The following THBS2 variants were observed in gnomAD, a reference collection of about 807,000 sequenced individuals.
The protein encoded by THBS2 is thrombospondin-2.
Under a neutral mutation model 135.2 loss-of-function variants are expected in THBS2, and 47 were observed. The ratio of observed to expected loss-of-function variants is 0.35; its 90% CI spans 0.28 to 0.44. THBS2 has a LOEUF of 0.44. THBS2 is among the 20% of genes least tolerant of loss of function. The probability of loss-of-function intolerance (pLI) is 1.00; values close to 1 mark genes in which losing one functional copy is unlikely to be tolerated. For synonymous variants in THBS2, 639 were observed against 633.8 expected (o/e 1.01, Z -0.12); for missense variants, 1,288 against 1,603.1 (o/e 0.80, Z 3.36).
chr6:169,248,962 C>T lies in THBS2; in HGVS notation c.64G>A (p.Asp22Asn), dbSNP rs779348276. ...VWPSTQAGHQ[D>N]KDTTFDLFSI... ...AAAAGGTCGAAGGTCGTGTCTTTGT[C>T]CTGGTGACCAGCTGCAAAGGGAACC... Residue 22 changes from aspartate (D) to asparagine (N), a missense_variant, in exon 3 of 22, where the codon GAC becomes AAC. Asp to Asn is a conservative substitution (Grantham distance 23, BLOSUM62 1). Coordinates refer to ENST00000617924, the MANE Select transcript of THBS2 (RefSeq NM_003247.5). The T allele has an allele frequency of 5.0e-6, 8 of 1,602,096 alleles. No individual in the cohort carries two copies. The highest frequency in any genetic ancestry group is 2.2e-5 in the East Asian group (1 of 44,608).
rs1274084093 is a variant in THBS2 at position 169,236,757 on chromosome 6, A to ATCCACACTCACTCCCCG, written c.1477+396_1477+412dup. On this transcript the variant is annotated intron_variant, in intron 9 of 21. Coordinates refer to ENST00000617924, the MANE Select transcript of THBS2 (RefSeq NM_003247.5). ...CTCATTCCCCATCCACACTCACTCC[A>ATCCACACTCACTCCCCG]TCCACACTCACTCCCCGTCCACACT... Among the ~76,000 whole-genome samples the ATCCACACTCACTCCCCG allele has an allele frequency of 6.7e-5, 8 of 119,852 alleles. No homozygotes were observed. In the Admixed American group the frequency reaches 6.9e-4, roughly 10 times the overall value. The allele number at this position is 119,852 out of a possible 152,430, so 78.6% of individuals were successfully genotyped here. A position where few individuals can be genotyped will look rare whatever the true frequency, so the allele number is the denominator to read the frequency against.
At chr6:169,235,028 G>T (rs1779985035) in intron 9 of THBS2, 121 bp from the exon 10 acceptor site, 1 of 1,019,490 alleles carries the variant, frequency 9.8e-7, no homozygotes, top group African/African-American at 1.6e-5. Context: ...CCACAAACTG[G>T]TTTCTCCCCA....
intron 3 of THBS2, among the ~76,000 whole-genome samples, chr6:169,246,584 G>A (rs1583421069): frequency 6.6e-6 from 1 of 152,208 alleles, no homozygotes; most frequent in Non-Finnish European, 1.5e-5. Flanking sequence ...TGTGTGTTCT[G>A]GGCATGTTCC....
At position 169,241,143 on chromosome 6, in the gene THBS2, ACAGT is replaced by A. The variant is rs148852705; in HGVS notation, c.892-555_892-552del. Among the ~76,000 whole-genome samples the A allele has an allele frequency of 0.052, 7,890 of 151,962 alleles. 226 individuals carry two copies. The highest frequency in any genetic ancestry group is 0.078 in the Middle Eastern group (23 of 294). ...ACTTCATGCCCTCTGGGTACGAGTGACAGTCAGCATCACTGCACCCTGGTTAGCC... is the reference window on the plus strand; with the variant it reads ...ACTTCATGCCCTCTGGGTACGAGTGACAGCATCACTGCACCCTGGTTAGCC... On this transcript the variant is annotated intron_variant, in intron 5 of 21. Coordinates refer to ENST00000617924, the MANE Select transcript of THBS2 (RefSeq NM_003247.5). This position sits in a 1 kb window ranked among gnomAD's most constrained non-coding sequence, Gnocchi z 5.5.
At chr6:169,218,316 T>C (rs1333845494) in intron 21 of THBS2, among the ~76,000 whole-genome samples, 1 of 145,226 alleles carries the variant, frequency 6.9e-6, no homozygotes, top group East Asian at 2.1e-4. Flanking sequence ...GATGGATGGA[T>C]GAGTGGGTTG....
intron 15 of THBS2, among the ~76,000 whole-genome samples, chr6:169,226,577 C>T (rs879636424): frequency 6.6e-6 from 1 of 152,172 alleles, no homozygotes; most frequent in Non-Finnish European, 1.5e-5. Flanking sequence ...GTTGAATGTG[C>T]TGTCGCCGTG....
At position 169,237,172 on chromosome 6, in the gene THBS2, G is replaced by C; in HGVS notation, c.1475C>G (p.Pro492Arg). The C allele has an allele frequency of 6.2e-7, 1 of 1,604,562 alleles. No individual in the cohort carries two copies. The highest frequency in any genetic ancestry group is 8.5e-7 in the Non-Finnish European group (1 of 1,178,380). Reference protein sequence around the residue: ...ETKACQGAPCPIDGRWSPWSP... With the variant: ...ETKACQGAPCRIDGRWSPWSP... ...GGCCCCGCCTTCACCGTACTTACTTGGGCATGGGGCGCCCTGGCAGGCTTT... is the reference window on the plus strand; with the variant it reads ...GGCCCCGCCTTCACCGTACTTACTTCGGCATGGGGCGCCCTGGCAGGCTTT... Residue 492 changes from proline to arginine, a missense_variant and splice_region_variant, in exon 9 of 22, where the codon CCA becomes CGA. Transcript: ENST00000617924.
intron 2 of THBS2, among the ~76,000 whole-genome samples, chr6:169,250,417 GA>G (rs1341387852): frequency 6.6e-6 from 1 of 152,174 alleles, no homozygotes; most frequent in East Asian, 1.9e-4. Context: ...ATATTTAAAG[GA>G]GGAAGAAAGT....
intron 20 of THBS2, 133 bp from the exon 21 acceptor site, chr6:169,220,470 G>A (rs996214332): frequency 4.0e-5 from 45 of 1,135,422 alleles, no homozygotes; most frequent in Non-Finnish European, 5.2e-5. Context: ...TGCCCCAGGG[G>A]GCATTGCTGG....
chr6:169,218,040 A>AGATGGATG (rs143110525), intron 21 of THBS2, among the ~76,000 whole-genome samples: 7 of 91,296 alleles, frequency 7.7e-5, no homozygotes, highest in Non-Finnish European at 2.3e-5. Flanking sequence ...TGGGTGGATG[A>AGATGGATG]GATGGATGGA....
chr6:169,232,172 C>G lies in THBS2; in HGVS notation c.1959G>C (p.Lys653Asn). ...KQVCEPENPC[K>N]DKTHNCHKHA... ...GCTTGTGGCAGTTGTGTGTCTTGTC[C>G]TTGCATGGGTTTTCGGGCTCACACA... is the stretch of plus-strand genomic sequence containing the variant. Residue 653 changes from lysine to asparagine, a missense_variant, in exon 13 of 22, where the codon AAG (lysine) becomes AAC (asparagine). Physicochemically the swap from Lys to Asn is moderately conservative, Grantham distance 94 (BLOSUM62 0). This residue lies in a region of THBS2 where 874 missense variants were observed against 1,156.1 expected (regional missense o/e 0.76). Coordinates refer to ENST00000617924, the MANE Select transcript of THBS2 (RefSeq NM_003247.5). 6.2e-7 allele frequency: 1 copy of G among 1,613,910 alleles called. No individual in the cohort carries two copies. The highest frequency in any genetic ancestry group is 8.5e-7 in the Non-Finnish European group (1 of 1,179,942).
chr6:169,247,609 C>T (rs1227197827), intron 3 of THBS2, among the ~76,000 whole-genome samples: 1 of 151,992 alleles, frequency 6.6e-6, no homozygotes, highest in African/African-American at 2.4e-5. Flanking sequence ...CTTTTGTGCA[C>T]GTGTGTATGT....
At chr6:169,235,448 G>A (rs1413919259) in intron 9 of THBS2, among the ~76,000 whole-genome samples, 4 of 151,954 alleles carry the variant, frequency 2.6e-5, no homozygotes, top group Admixed American at 2.0e-4. Context: ...CCCATGAGGC[G>A]TGAGCACAGC....
At chr6:169,219,346 G>GGATGGATGGAGGA (rs1554244185) in intron 21 of THBS2, among the ~76,000 whole-genome samples, 3 of 129,130 alleles carry the variant, frequency 2.3e-5, no homozygotes, top group African/African-American at 3.1e-5. Context: ...GTGGGTGGAT[G>GGATGGATGGAGGA]GATGGATGGT....
chr6:169,237,036 C>T, intron 9 of THBS2, 134 bp downstream of exon 9: 1 of 1,010,470 alleles, frequency 9.9e-7, no homozygotes, highest in East Asian at 2.6e-5. Context: ...ATGGCAGCCC[C>T]CTTTGCTGCT....
At chr6:169,219,040 G>T (rs1197561470) in intron 21 of THBS2, among the ~76,000 whole-genome samples, 1 of 150,894 alleles carries the variant, frequency 6.6e-6, no homozygotes, top group Non-Finnish European at 1.5e-5. Flanking sequence ...TGGATGAGTA[G>T]GTGGGTGGAT....
intron 10 of THBS2, 27 bp from the exon 11 acceptor site, chr6:169,233,044 TCAC>T: frequency 6.6e-7 from 1 of 1,516,642 alleles, no homozygotes; most frequent in Admixed American, 2.0e-5. Flanking sequence ...GGAGCAGAGT[TCAC>T]CACGCGCCCT....
chr6:169,219,868 G>T, intron 21 of THBS2: 1 of 562,964 alleles, frequency 1.8e-6, no homozygotes, highest in Non-Finnish European at 3.4e-6. Flanking sequence ...CATTGCTAAT[G>T]CAAGGGTACC....
chr6:169,222,833 AG>A (rs35782192), intron 18 of THBS2, among the ~76,000 whole-genome samples: 36,534 of 150,840 alleles, frequency 0.24, 4,721 homozygotes, highest in African/African-American at 0.33. Flanking sequence ...AAAAAGAAAC[AG>A]GTTTCAGGCA....
Sources: gnomAD v4.1 joint callset for allele counts (sites outside exome capture counted in the v4.1 genomes callset) on GRCh38, gnomAD v4.1.1 for gene constraint, gnomAD v4.1.1 regional missense constraint, Gnocchi (gnomAD v3.1) non-coding constraint, MANE v1.5 for transcripts, NCBI Gene and HGNC (gene_info 2026-07-23, HGNC 2026-07-21) for gene names.